OCLN: variants seen among roughly 807,000 people sequenced by gnomAD.
The protein encoded by OCLN is occludin, also known as phosphatase 1, regulatory subunit 115.
Under a neutral mutation model 47.9 loss-of-function variants are expected in OCLN, and 21 were observed. That is an observed-to-expected ratio of 0.44 (90% CI 0.31 to 0.63). The LOEUF is 0.63. Ranked by LOEUF, OCLN falls within the 30% of genes least tolerant of loss-of-function variation. The pLI, the probability that OCLN is intolerant of heterozygous loss-of-function variation, is 0.08. For synonymous variants in OCLN, 117 were observed against 198.4 expected, an observed-to-expected ratio of 0.59 and a Z score of 3.45; for missense variants, 360 against 571.0, an observed-to-expected ratio of 0.63 and a Z score of 3.77.
At chr5:69,505,546 T>C (rs139939955) in intron 2 of OCLN, among the ~76,000 whole-genome samples, 2 of 152,312 alleles carry the variant, frequency 1.3e-5, no homozygotes, top group African/African-American at 4.8e-5. Flanking sequence ...ATGTGGCCTT[T>C]TGTAACTGGC....
intron 4 of OCLN, among the ~76,000 whole-genome samples, chr5:69,518,725 A>G (rs576102621): frequency 6.6e-6 from 1 of 152,342 alleles, no homozygotes; most frequent in African/African-American, 2.4e-5. Flanking sequence ...TAATATCAAA[A>G]CAATCTCTAC....
intron 4 of OCLN, among the ~76,000 whole-genome samples, chr5:69,520,405 A>T (rs946872046): frequency 1.3e-4 from 20 of 150,472 alleles, no homozygotes; most frequent in African/African-American, 4.9e-4. Context: ...GGTTCAAGCG[A>T]TTCTCCTGCC....
At chr5:69,527,276 C>CAAA (rs764804781) in intron 4 of OCLN, among the ~76,000 whole-genome samples, 1 of 125,574 alleles carries the variant, frequency 8.0e-6, no homozygotes, top group South Asian at 2.5e-4. Context: ...GACTTCGTCT[C>CAAA]AAAAAAAAAA....
intron 3 of OCLN, among the ~76,000 whole-genome samples, chr5:69,513,359 C>G (rs561912598): frequency 1.9e-4 from 29 of 152,294 alleles, no homozygotes; most frequent in African/African-American, 6.0e-4. Context: ...CCTGCCAGAC[C>G]AAATCAATCA....
intron 1 of OCLN, among the ~76,000 whole-genome samples, chr5:69,499,593 C>CT (rs1182766634): frequency 1.6e-4 from 24 of 148,486 alleles, no homozygotes; most frequent in Admixed American, 4.0e-4. Context: ...TTTTTTCTTT[C>CT]TTTTTTTTTT....
In OCLN at chr5:69,520,689, A is replaced by G. The variant is rs150318151; in HGVS notation, c.891+6580A>G. Reference sequence around the variant, plus strand: ...TTAAATTTTTTTTTTTACTTTTGTTATTATTTATTTAGAGACAGGGTGTAG... The same window carrying G: ...TTAAATTTTTTTTTTTACTTTTGTTGTTATTTATTTAGAGACAGGGTGTAG... On this transcript the variant is annotated intron_variant, in intron 4 of 8. Coordinates refer to ENST00000396442, the MANE Select transcript of OCLN (RefSeq NM_001205254.2). Among the ~76,000 whole-genome samples the G allele has an allele frequency of 4.6e-5, 7 of 151,056 alleles. No homozygotes were observed. In the East Asian group the frequency reaches 1.4e-3, roughly 29 times the overall value.
intron 2 of OCLN, among the ~76,000 whole-genome samples, chr5:69,507,020 C>T (rs1317626885): frequency 6.6e-6 from 1 of 152,208 alleles, no homozygotes; most frequent in Non-Finnish European, 1.5e-5. Flanking sequence ...CTTCAAAGTC[C>T]TTCCCTGTGT....
At chr5:69,515,298 T>C (rs1192919903) in intron 4 of OCLN, among the ~76,000 whole-genome samples, 36 of 71,648 alleles carry the variant, frequency 5.0e-4, no homozygotes, top group South Asian at 1.0e-3. Context: ...CCCCACCTCC[T>C]TCCCGGATGG....
At chr5:69,516,743 G>A (rs1293408737) in intron 4 of OCLN, among the ~76,000 whole-genome samples, 1 of 152,110 alleles carries the variant, frequency 6.6e-6, no homozygotes, top group African/African-American at 2.4e-5. Flanking sequence ...TCCCAAATGA[G>A]TGTTAGTAAA....
Position 69,555,637 on chromosome 5 carries a change from C to G in OCLN, c.*1966C>G, listed in dbSNP as rs1286022805. On this transcript the variant is annotated 3_prime_UTR_variant, in exon 9 of 9. Coordinates refer to ENST00000396442, the MANE Select transcript of OCLN (RefSeq NM_001205254.2). ...AATTTTAAATGTTTCCATTATATCA[C>G]TGATTTATTTCTGCAAATTGAATAA... The G allele has an allele frequency of 6.6e-6, 1 of 152,042 alleles. No homozygotes were observed. Among genetic ancestry groups the G allele is most frequent in the Non-Finnish European group, 1.5e-5 (1 of 68,020 alleles). 9.4% of individuals were successfully genotyped at this position (152,042 alleles called of 1,614,324 possible).
At position 69,502,131 on chromosome 5, in the gene OCLN, G is replaced by A. The variant is rs546443817; in HGVS notation, c.-68-2046G>A. Among the ~76,000 whole-genome samples the A allele has an allele frequency of 5.3e-5, 8 of 152,018 alleles. No homozygotes were observed. In the South Asian group the frequency reaches 8.3e-4, roughly 16 times the overall value. On this transcript the variant is annotated intron_variant, in intron 1 of 8. Transcript: ENST00000396442. ...GGAGAATCGCTTGAAGCCGGGAGGC[G>A]GAGATTGCAGTGAGCTGAGATCATG...
At chr5:69,522,185 A>G (rs1769156119) in intron 4 of OCLN, among the ~76,000 whole-genome samples, 1 of 152,022 alleles carries the variant, frequency 6.6e-6, no homozygotes, top group South Asian at 2.1e-4. Context: ...TGGCCTCTAC[A>G]TATCTTTGTT....
chr5:69,507,707 G>A (rs369230475), intron 2 of OCLN, among the ~76,000 whole-genome samples: 1 of 151,946 alleles, frequency 6.6e-6, no homozygotes, highest in Non-Finnish European at 1.5e-5. Flanking sequence ...CTGGGTTCAA[G>A]TGATTCTCCT....
chr5:69,527,043 C>T (rs542703192), intron 4 of OCLN, among the ~76,000 whole-genome samples: 1 of 152,034 alleles, frequency 6.6e-6, no homozygotes, highest in Non-Finnish European at 1.5e-5. Flanking sequence ...TTTGGGAGGC[C>T]GAGGCGGGCG....
intron 1 of OCLN, among the ~76,000 whole-genome samples, chr5:69,498,143 A>AAAAAT (rs1157647646): frequency 6.6e-6 from 1 of 151,330 alleles, no homozygotes. Context: ...AAAAAAAAAA[A>AAAAAT]GAACGATTAT....
chr5:69,528,921 T>C (rs1769355838), intron 4 of OCLN, among the ~76,000 whole-genome samples: 1 of 152,158 alleles, frequency 6.6e-6, no homozygotes. Flanking sequence ...GGGATGAAAT[T>C]AGGGCGAGGA....
chr5:69,534,662 T>G, intron 4 of OCLN, 32 bp from the exon 5 acceptor site: 1 of 545,232 alleles, frequency 1.8e-6, no homozygotes, highest in South Asian at 2.0e-5. Flanking sequence ...CATTACAAGA[T>G]AAATAATAAC....
chr5:69,532,978 T>A lies in OCLN; in HGVS notation c.892-1716T>A, dbSNP rs546355773. On this transcript the variant is annotated intron_variant, in intron 4 of 8. Transcript: ENST00000396442. Reference sequence around the variant, plus strand: ...GTGAGACTCTGTCTCAAAAAAAATATATATATATATGTATGCATGTATGTG... The same window carrying A: ...GTGAGACTCTGTCTCAAAAAAAATAAATATATATATGTATGCATGTATGTG... 9.8e-3 allele frequency among the ~76,000 whole-genome samples: 1,199 copies of A among 122,712 alleles called. 16 individuals carry two copies. Among genetic ancestry groups the A allele is most frequent in the African/African-American group, 0.029 (923 of 31,726 alleles). The allele number at this position is 122,712 out of a possible 152,430, so 80.5% of individuals were successfully genotyped here. A position where few individuals can be genotyped will look rare whatever the true frequency, so the allele number is the denominator to read the frequency against.
At chr5:69,500,927 C>A (rs952829921) in intron 1 of OCLN, among the ~76,000 whole-genome samples, 1 of 147,110 alleles carries the variant, frequency 6.8e-6, no homozygotes, top group Non-Finnish European at 1.5e-5. Context: ...TTCTGTTTTA[C>A]TTTTTTTTTT....
Sources: allele counts gnomAD v4.1 joint callset (sites outside exome capture counted in the v4.1 genomes callset), GRCh38; gene constraint gnomAD v4.1.1; transcripts MANE v1.5; gene names NCBI Gene and HGNC (gene_info 2026-07-23, HGNC 2026-07-21).